HOMER2: variants seen among roughly 807,000 people sequenced by gnomAD.
HOMER2 encodes the protein homer protein homolog 2.
HOMER2 carries 27 observed loss-of-function variants against 47.0 expected under a neutral mutation model. The ratio of observed to expected loss-of-function variants is 0.57; its 90% CI spans 0.42 to 0.79. The LOEUF (loss-of-function observed/expected upper bound fraction) is 0.79. HOMER2 is among the 30% of genes least tolerant of loss of function. The pLI, the probability that HOMER2 is intolerant of heterozygous loss-of-function variation, is 0.00. For missense variants in HOMER2, 443 were observed against 435.0 expected (o/e 1.02, Z -0.16); for synonymous variants, 161 against 163.8 (o/e 0.98, Z 0.13).
At chr15:82,967,057 C>T in intron 1 of HOMER2, among the ~76,000 whole-genome samples, 1 of 152,088 alleles carries the variant, frequency 6.6e-6, no homozygotes, top group East Asian at 1.9e-4. Context: ...CAACAACAGC[C>T]TGAGCAACAT....
chr15:82,845,979 C>G (rs2051241558), downstream of HOMER2: 1 of 152,426 alleles, frequency 6.6e-6, no homozygotes, highest in South Asian at 2.1e-4. Flanking sequence ...CTGCCCACCA[C>G]CATCAAGGCT....
chr15:82,876,943 C>T (rs1385880852), intron 2 of HOMER2, among the ~76,000 whole-genome samples: 1 of 152,202 alleles, frequency 6.6e-6, no homozygotes, highest in Non-Finnish European at 1.5e-5. Context: ...CTACATTTAT[C>T]TATCTATCAG....
At chr15:82,907,746 C>A (rs561560848) in intron 1 of HOMER2, among the ~76,000 whole-genome samples, 21 of 152,172 alleles carry the variant, frequency 1.4e-4, no homozygotes, top group Non-Finnish European at 2.4e-4. Flanking sequence ...CACACCTCAA[C>A]AAATTTAGAA....
chr15:82,896,151 G>GGGGCAAA (rs2052907964), intron 1 of HOMER2, among the ~76,000 whole-genome samples: 1 of 152,132 alleles, frequency 6.6e-6, no homozygotes, highest in Admixed American at 6.5e-5. Context: ...CAAGGGGCAA[G>GGGGCAAA]GGGAGGCAGA....
In HOMER2 at chr15:82,855,107, C is replaced by T. The variant is rs147600489; in HGVS notation, c.495-307G>A. Among the ~76,000 whole-genome samples the T allele has an allele frequency of 8.5e-5, 13 of 152,066 alleles. No individual in the cohort carries two copies. The East Asian group carries it at 2.3e-3, about 27-fold the overall frequency. On this transcript the variant is annotated intron_variant, in intron 5 of 8. Coordinates refer to ENST00000450735, the MANE Select transcript of HOMER2 (RefSeq NM_004839.4). ...ATCCTAACACTTTGGGAGGCCGAGGCGGGCGGATCACTAGGTCAAGAAATC... is the reference window on the plus strand; with the variant it reads ...ATCCTAACACTTTGGGAGGCCGAGGTGGGCGGATCACTAGGTCAAGAAATC...
intron 1 of HOMER2, among the ~76,000 whole-genome samples, chr15:82,902,439 G>A (rs187838485): frequency 2.5e-4 from 38 of 152,056 alleles, no homozygotes; most frequent in Admixed American, 2.4e-3. Flanking sequence ...CTTGTGATCC[G>A]CCCACCTCAG....
chr15:82,858,896 G>C, intron 5 of HOMER2, 133 bp downstream of exon 5: 1 of 1,026,358 alleles, frequency 9.7e-7, no homozygotes, highest in Non-Finnish European at 1.4e-6. Flanking sequence ...CTTTCACCAG[G>C]AGACAAGAGT....
At position 82,950,972 on chromosome 15, in the gene HOMER2, T is replaced by TA. The variant is rs1300345666; in HGVS notation, c.5+1558dup. Among the ~76,000 whole-genome samples the TA allele has an allele frequency of 3.9e-5, 6 of 152,284 alleles. No homozygotes were observed. In the East Asian group the frequency reaches 9.6e-4, roughly 24 times the overall value. On this transcript the variant is annotated intron_variant, in intron 1 of 8. Transcript: ENST00000450735. Reference sequence around the variant, plus strand: ...GGAGGGCCAGAAAGAGAGTTAAAATTACCGGATCCCTTTTATCTTCCATTC... The same window carrying TA: ...GGAGGGCCAGAAAGAGAGTTAAAATTAACCGGATCCCTTTTATCTTCCATTC...
chr15:82,911,708 C>A (rs139797064), intron 1 of HOMER2, among the ~76,000 whole-genome samples: 4 of 152,240 alleles, frequency 2.6e-5, no homozygotes, highest in Non-Finnish European at 4.4e-5. Context: ...CCAGATTTGG[C>A]AGATAAAAAG....
chr15:82,935,052 A>G (rs1200430573), intron 1 of HOMER2, among the ~76,000 whole-genome samples: 1 of 151,678 alleles, frequency 6.6e-6, no homozygotes, highest in Non-Finnish European at 1.5e-5. Context: ...ACAGCCTCTC[A>G]TCTTCTCAAG....
chr15:82,980,756 A>C (rs555369765), intron 1 of HOMER2, among the ~76,000 whole-genome samples: 3 of 152,302 alleles, frequency 2.0e-5, no homozygotes, highest in South Asian at 4.1e-4. Context: ...CAGATATGAA[A>C]TATGCCGACA....
intron 1 of HOMER2, among the ~76,000 whole-genome samples, chr15:82,908,571 C>G (rs533939951): frequency 1.7e-4 from 26 of 152,196 alleles, no homozygotes; most frequent in East Asian, 3.9e-4. Flanking sequence ...GCTTTTTGTT[C>G]TTTCTTGTTT....
chr15:82,854,039 A>T (rs1038273622), intron 6 of HOMER2, among the ~76,000 whole-genome samples: 3 of 152,186 alleles, frequency 2.0e-5, no homozygotes, highest in African/African-American at 7.2e-5. Flanking sequence ...GGGCACTCTG[A>T]GAGAGACAGG....
chr15:82,852,220 G>C lies in HOMER2; in HGVS notation c.684C>G (p.Ile228Met), dbSNP rs922850698. ...GCGTGTTCTTCTCCTTCTCTCTGTT[G>C]ATCTCACTGCATTGTTCTTCCAGCT... The part of the protein sequence containing the change: ...IDELEEQCSE[I>M]NREKEKNTQL... The change falls in exon 7 of 9, where the codon ATC becomes ATG. Residue 228 changes from isoleucine to methionine, a missense_variant. Physicochemically the swap from Ile to Met is conservative, Grantham distance 10. Transcript: ENST00000450735. 3.1e-6 allele frequency: 5 copies of C among 1,613,734 alleles called. No individual in the cohort carries two copies. Among genetic ancestry groups the C allele is most frequent in the Non-Finnish European group, 4.2e-6 (5 of 1,179,826 alleles).
intron 1 of HOMER2, among the ~76,000 whole-genome samples, chr15:82,951,550 C>T (rs1235725898): frequency 1.3e-5 from 2 of 152,256 alleles, no homozygotes; most frequent in Admixed American, 6.5e-5. Context: ...ACCCTTGGAG[C>T]AGAAGCATTT....
intron 1 of HOMER2, among the ~76,000 whole-genome samples, chr15:82,941,524 C>T (rs1359530549): frequency 6.6e-6 from 1 of 150,736 alleles, no homozygotes; most frequent in African/African-American, 2.4e-5. Context: ...TTACTGCCTA[C>T]AGACTGAAGT....
At chr15:82,983,714 C>T (rs1349708019) in intron 1 of HOMER2, among the ~76,000 whole-genome samples, 5 of 151,862 alleles carry the variant, frequency 3.3e-5, no homozygotes, top group Non-Finnish European at 7.4e-5. Context: ...CTCAGCTTCC[C>T]GAGTAGCTGG....
At chr15:82,929,337 C>T (rs1044394065) in intron 1 of HOMER2, among the ~76,000 whole-genome samples, 4 of 152,044 alleles carry the variant, frequency 2.6e-5, no homozygotes, top group Non-Finnish European at 5.9e-5. Context: ...ACAAGGAAAA[C>T]GGCTTAGCAG....
rs139297410 is a variant in HOMER2 at position 82,864,448 on chromosome 15, C to T, written c.295-189G>A. 2.4e-3 allele frequency among the ~76,000 whole-genome samples: 362 copies of T among 152,286 alleles called. 2 individuals carry two copies. The highest frequency in any genetic ancestry group is 7.9e-3 in the African/African-American group (330 of 41,570). On this transcript the variant is annotated intron_variant, in intron 3 of 8. Transcript: ENST00000450735. ...TAAACAGCACTGGGCAAGGTCAGTTCTGAACCCATATCTAAGCTACTGAAG... is the reference window on the plus strand; with the variant it reads ...TAAACAGCACTGGGCAAGGTCAGTTTTGAACCCATATCTAAGCTACTGAAG...
Sources: allele counts gnomAD v4.1 joint callset (sites outside exome capture counted in the v4.1 genomes callset), GRCh38; gene constraint gnomAD v4.1.1; transcripts MANE v1.5; gene names NCBI Gene and HGNC (gene_info 2026-07-23, HGNC 2026-07-21).